The following GBE1 variants were observed in gnomAD, a reference collection of about 807,000 sequenced individuals.
The protein encoded by GBE1 is 1,4-alpha-glucan-branching enzyme.
GBE1 carries 70 observed loss-of-function variants against 88.8 expected under a neutral mutation model. That is an observed-to-expected ratio of 0.79 (90% confidence interval 0.65 to 0.96). The LOEUF is 0.96. GBE1 is among the 40% of genes least tolerant of loss of function. The probability of loss-of-function intolerance (pLI) is 0.00; values close to 1 mark genes in which losing one functional copy is unlikely to be tolerated. For synonymous variants in GBE1, 284 were observed against 300.1 expected, an observed-to-expected ratio of 0.95 and a Z score of 0.56; for missense variants, 872 against 871.0, an observed-to-expected ratio of 1.00 and a Z score of -0.01.
At chr3:81,745,443 ACAG>A (rs953294308) in intron 1 of GBE1, among the ~76,000 whole-genome samples, 1 of 152,134 alleles carries the variant, frequency 6.6e-6, no homozygotes, top group Non-Finnish European at 1.5e-5. Context: ...CCTCTGGGAA[ACAG>A]CAGCATCAGC....
chr3:81,494,312 C>T (rs532582740), intron 15 of GBE1, among the ~76,000 whole-genome samples: 21 of 152,104 alleles, frequency 1.4e-4, no homozygotes, highest in African/African-American at 5.1e-4. Context: ...CAGAGCTAAC[C>T]CTTATGATGA....
intron 7 of GBE1, among the ~76,000 whole-genome samples, chr3:81,633,495 C>A (rs188819891): frequency 1.2e-3 from 181 of 152,208 alleles, no homozygotes; most frequent in Admixed American, 2.2e-3. Flanking sequence ...AACAAATTAA[C>A]AGCAACTTAG....
chr3:81,596,141 T>C (rs1024915767), intron 7 of GBE1, among the ~76,000 whole-genome samples: 1 of 151,884 alleles, frequency 6.6e-6, no homozygotes, highest in African/African-American at 2.4e-5. Flanking sequence ...TAGGACAAAA[T>C]AGTAAAGAAT....
intron 7 of GBE1, among the ~76,000 whole-genome samples, chr3:81,596,525 C>G (rs1703959088): frequency 6.6e-6 from 1 of 151,742 alleles, no homozygotes; most frequent in Admixed American, 6.6e-5. Flanking sequence ...AAATAACTAG[C>G]CTTTGTTGCA....
chr3:81,538,726 C>A lies in GBE1; in HGVS notation c.1619-1631G>T, dbSNP rs76728881. ...TACTGATAATGAAGGGATTTCCAGT[C>A]TGGGAACAAGTATATGTCCACATAC... is the stretch of plus-strand genomic sequence containing the variant. On this transcript the variant is annotated intron_variant, in intron 12 of 15. Transcript: ENST00000429644. 5.6e-3 allele frequency among the ~76,000 whole-genome samples: 858 copies of A among 152,088 alleles called. 11 individuals are homozygous for A. Among genetic ancestry groups the A allele is most frequent in the African/African-American group, 0.019 (785 of 41,540 alleles).
chr3:81,524,334 A>C (rs1429654332), intron 14 of GBE1, among the ~76,000 whole-genome samples: 1 of 151,744 alleles, frequency 6.6e-6, no homozygotes, highest in Admixed American at 6.6e-5. Flanking sequence ...TTTTTAAATA[A>C]GATTATTAAA....
At chr3:81,742,715 A>G (rs1706365568) in intron 1 of GBE1, among the ~76,000 whole-genome samples, 1 of 152,166 alleles carries the variant, frequency 6.6e-6, no homozygotes, top group Admixed American at 6.6e-5. Flanking sequence ...TCTGAAATAG[A>G]AAGCATGTTA....
chr3:81,659,590 C>T (rs184175379), intron 3 of GBE1, among the ~76,000 whole-genome samples: 208 of 150,808 alleles, frequency 1.4e-3, no homozygotes, highest in African/African-American at 4.3e-3. Context: ...GCTAGTTATC[C>T]GCCCACCTCG....
At chr3:81,693,031 A>G (rs1705543515) in intron 2 of GBE1, among the ~76,000 whole-genome samples, 1 of 152,180 alleles carries the variant, frequency 6.6e-6, no homozygotes, top group South Asian at 2.1e-4. Context: ...AAAAGACTAA[A>G]AAGGAAATTC....
chr3:81,572,046 C>A (rs1703583581), intron 12 of GBE1, among the ~76,000 whole-genome samples: 1 of 152,102 alleles, frequency 6.6e-6, no homozygotes, highest in Non-Finnish European at 1.5e-5. Context: ...ATAACAGAAT[C>A]ATGGGGGCAG....
intron 3 of GBE1, among the ~76,000 whole-genome samples, chr3:81,656,672 T>A (rs1253217200): frequency 6.6e-6 from 1 of 152,196 alleles, no homozygotes. Context: ...AAGATATAAG[T>A]TATCTTCATG....
intron 1 of GBE1, among the ~76,000 whole-genome samples, chr3:81,706,320 T>C (rs1054192682): frequency 1.3e-5 from 2 of 152,142 alleles, no homozygotes; most frequent in Admixed American, 1.3e-4. Flanking sequence ...AATCACAGAT[T>C]CCTAAGCAGG....
chr3:81,498,716 CTAGTCAA>C (rs1235349315), intron 15 of GBE1, among the ~76,000 whole-genome samples: 2 of 152,036 alleles, frequency 1.3e-5, no homozygotes, highest in Non-Finnish European at 2.9e-5. Flanking sequence ...ACTTCATCTG[CTAGTCAA>C]TAATGTAGAA....
intron 14 of GBE1, among the ~76,000 whole-genome samples, chr3:81,515,747 C>T (rs1385114687): frequency 6.6e-6 from 1 of 151,598 alleles, no homozygotes; most frequent in Non-Finnish European, 1.5e-5. Flanking sequence ...AGAAGTGCTA[C>T]TCTAGTGAAC....
chr3:81,649,444 A>G (rs1433150091), intron 4 of GBE1, among the ~76,000 whole-genome samples: 1 of 152,076 alleles, frequency 6.6e-6, no homozygotes, highest in East Asian at 1.9e-4. Flanking sequence ...TTCTAAGGAC[A>G]TTGATCCTAA....
intron 7 of GBE1, among the ~76,000 whole-genome samples, chr3:81,637,019 A>G (rs1226722636): frequency 1.3e-5 from 2 of 152,192 alleles, no homozygotes; most frequent in Non-Finnish European, 2.9e-5. Context: ...ACCATGGATA[A>G]TACCAAACCC....
At chr3:81,574,978 C>T (rs1439348510) in intron 12 of GBE1, among the ~76,000 whole-genome samples, 1 of 152,042 alleles carries the variant, frequency 6.6e-6, no homozygotes, top group Non-Finnish European at 1.5e-5. Flanking sequence ...TCCTGTCTAA[C>T]ACGGTGAAAC....
intron 2 of GBE1, among the ~76,000 whole-genome samples, chr3:81,690,554 A>C (rs975756028): frequency 1.8e-4 from 28 of 152,184 alleles, no homozygotes; most frequent in Admixed American, 1.6e-3. Flanking sequence ...TACAATAGTA[A>C]ATTTTTCCAA....
intron 15 of GBE1, among the ~76,000 whole-genome samples, chr3:81,496,155 A>G (rs1702498213): frequency 6.6e-6 from 1 of 152,246 alleles, no homozygotes; most frequent in Non-Finnish European, 1.5e-5. Context: ...TGATTATGCT[A>G]AAATGGAGTT....
Sources: gnomAD v4.1 joint callset for allele counts (sites outside exome capture counted in the v4.1 genomes callset) on GRCh38, gnomAD v4.1.1 for gene constraint, MANE v1.5 for transcripts, NCBI Gene and HGNC (gene_info 2026-07-23, HGNC 2026-07-21) for gene names.